FSTL4: variants seen among roughly 807,000 people sequenced by gnomAD.
The protein encoded by FSTL4 is follistatin like 4.
In FSTL4, 28 loss-of-function variants were observed where a neutral mutation model predicts 78.2. The ratio of observed to expected loss-of-function variants is 0.36; its 90% confidence interval spans 0.27 to 0.49. The LOEUF (loss-of-function observed/expected upper bound fraction) is 0.49, where lower values mean the gene tolerates loss of function less well. Among genes scored for constraint, FSTL4 ranks in the 20% least tolerant of loss-of-function variants. The pLI, the probability that FSTL4 is intolerant of heterozygous loss-of-function variation, is 0.98. For missense variants in FSTL4, 922 were observed against 1,084.9 expected, an observed-to-expected ratio of 0.85 and a Z score of 2.11; for synonymous variants, 422 against 440.5, an observed-to-expected ratio of 0.96 and a Z score of 0.53.
chr5:133,621,800 A>G, the FSTL4 span, among the ~76,000 whole-genome samples: 8 of 152,220 alleles, frequency 5.3e-5, no homozygotes, highest in African/African-American at 1.9e-4. Flanking sequence ...GAAAACCAAT[A>G]TATCACTTAG....
intron 6 of FSTL4, among the ~76,000 whole-genome samples, chr5:133,282,207 T>C (rs1426125332): frequency 6.6e-6 from 1 of 152,012 alleles, no homozygotes; most frequent in Non-Finnish European, 1.5e-5. Context: ...GATGGGAAGG[T>C]AGGGCCTGAG....
intron 3 of FSTL4, among the ~76,000 whole-genome samples, chr5:133,530,778 G>A (rs1409981446): frequency 2.0e-5 from 3 of 152,182 alleles, no homozygotes; most frequent in Admixed American, 1.3e-4. Context: ...ACAGAGGAGG[G>A]CCAAGAAACC....
the FSTL4 span, among the ~76,000 whole-genome samples, chr5:133,804,477 AAC>A: frequency 7.3e-4 from 111 of 152,326 alleles, no homozygotes; most frequent in African/African-American, 2.5e-3. Flanking sequence ...TATGGCTGAA[AAC>A]ACACACACAG....
the FSTL4 span, among the ~76,000 whole-genome samples, chr5:133,625,182 A>G: frequency 0.25 from 37,295 of 151,512 alleles, 5,927 homozygotes; most frequent in African/African-American, 0.46. Flanking sequence ...TCTGGAAAAG[A>G]TAAGTGTAGA....
chr5:133,415,778 T>C (rs1756570129), intron 3 of FSTL4, among the ~76,000 whole-genome samples: 1 of 152,142 alleles, frequency 6.6e-6, no homozygotes, highest in Non-Finnish European at 1.5e-5. Flanking sequence ...CAGGAGAATC[T>C]AACAGTATAT....
At chr5:133,562,427 T>G (rs1759934066) in intron 3 of FSTL4, among the ~76,000 whole-genome samples, 1 of 152,192 alleles carries the variant, frequency 6.6e-6, no homozygotes, top group African/African-American at 2.4e-5. Context: ...AGGGACCGAT[T>G]CCACGGGTTT....
intron 4 of FSTL4, among the ~76,000 whole-genome samples, chr5:133,325,514 G>C (rs1580618388): frequency 6.6e-6 from 1 of 152,164 alleles, no homozygotes; most frequent in Admixed American, 6.5e-5. Flanking sequence ...TCATGAAAGA[G>C]CTCAGCTGCC....
the FSTL4 span, among the ~76,000 whole-genome samples, chr5:133,680,794 C>T: frequency 1.3e-5 from 2 of 152,232 alleles, no homozygotes; most frequent in Non-Finnish European, 2.9e-5. Context: ...CTCACAACAG[C>T]TGCCATCTGC....
At chr5:133,393,363 G>A (rs557610816) in intron 4 of FSTL4, among the ~76,000 whole-genome samples, 22 of 152,302 alleles carry the variant, frequency 1.4e-4, no homozygotes, top group African/African-American at 3.6e-4. Flanking sequence ...GGTCAGGCCC[G>A]GTGTTCTGAT....
At chr5:133,241,000 A>C (rs1485843666) in intron 7 of FSTL4, among the ~76,000 whole-genome samples, 2 of 152,060 alleles carry the variant, frequency 1.3e-5, no homozygotes, top group African/African-American at 4.8e-5. Context: ...TGGGGACGAG[A>C]GGGCAGCCAT....
chr5:133,764,720 C>G, the FSTL4 span, among the ~76,000 whole-genome samples: 176 of 152,320 alleles, frequency 1.2e-3, no homozygotes, highest in African/African-American at 4.0e-3. Flanking sequence ...GGGCAGAGCT[C>G]TCTAAGGGTT....
chr5:133,250,741 C>T (rs1458510434), intron 6 of FSTL4, among the ~76,000 whole-genome samples: 1 of 152,364 alleles, frequency 6.6e-6, no homozygotes, highest in Non-Finnish European at 1.5e-5. Flanking sequence ...GTGCAAGGCA[C>T]AGCAGAGCAG....
chr5:133,670,360 A>G, the FSTL4 span, among the ~76,000 whole-genome samples: 1 of 152,246 alleles, frequency 6.6e-6, no homozygotes, highest in East Asian at 1.9e-4. Context: ...AGCTGTCTAC[A>G]TCAACCATGT....
intron 2 of FSTL4, 126 bp downstream of exon 2, chr5:133,603,732 G>C (rs1419903276): frequency 9.9e-6 from 11 of 1,108,352 alleles, no homozygotes; most frequent in Non-Finnish European, 1.5e-5. Context: ...CCACCAAAAA[G>C]GAAGTGCAAT....
At chr5:133,705,174 C>T in the FSTL4 span, among the ~76,000 whole-genome samples, 1 of 152,146 alleles carries the variant, frequency 6.6e-6, no homozygotes, top group African/African-American at 2.4e-5. Context: ...AATTCTCTGC[C>T]TCAGCCTCCC....
At chr5:133,419,912 C>CGG (rs1756658312) in intron 3 of FSTL4, among the ~76,000 whole-genome samples, 3 of 152,092 alleles carry the variant, frequency 2.0e-5, no homozygotes, top group Non-Finnish European at 4.4e-5. Flanking sequence ...AGGTATATAT[C>CGG]CAAGAGAAAT....
chr5:133,790,803 C>T, the FSTL4 span, among the ~76,000 whole-genome samples: 32 of 152,310 alleles, frequency 2.1e-4, no homozygotes, highest in African/African-American at 7.0e-4. Context: ...CTTCTGTGTC[C>T]AGAACAAAAC....
At chr5:133,445,465 G>A (rs1053160579) in intron 3 of FSTL4, among the ~76,000 whole-genome samples, 1 of 152,180 alleles carries the variant, frequency 6.6e-6, no homozygotes, top group Non-Finnish European at 1.5e-5. Flanking sequence ...CCTATGGGCC[G>A]GCTGCCACCC....
chr5:133,497,765 T>TAA (rs766959446), intron 3 of FSTL4, among the ~76,000 whole-genome samples: 1 of 152,210 alleles, frequency 6.6e-6, no homozygotes. Flanking sequence ...CCTTGCTCTT[T>TAA]AAATGGCAAG....
Sources: gnomAD v4.1 joint callset for allele counts (sites outside exome capture counted in the v4.1 genomes callset) on GRCh38, gnomAD v4.1.1 for gene constraint, MANE v1.5 for transcripts, NCBI Gene and HGNC (gene_info 2026-07-23, HGNC 2026-07-21) for gene names.